BMPR1B: variants seen among roughly 807,000 people sequenced by gnomAD.
BMPR1B encodes bone morphogenetic protein receptor type 1B.
In BMPR1B, 12 loss-of-function variants were observed where a neutral mutation model predicts 59.1. The observed-to-expected ratio is 0.20, with a 90% CI of 0.13 to 0.33. The LOEUF (loss-of-function observed/expected upper bound fraction) is 0.33, where lower values mean the gene tolerates loss of function less well. Ranked by LOEUF, BMPR1B falls within the 10% of genes least tolerant of loss-of-function variation. The pLI is 1.00. For missense variants in BMPR1B, 550 were observed against 610.9 expected (o/e 0.90, Z 1.05); for synonymous variants, 237 against 207.3 (o/e 1.14, Z -1.23).
At chr4:94,930,229 G>A (rs1414987522) in intron 2 of BMPR1B, among the ~76,000 whole-genome samples, 1 of 152,056 alleles carries the variant, frequency 6.6e-6, no homozygotes, top group African/African-American at 2.4e-5. Flanking sequence ...TCAGAATAAA[G>A]TGAAGAAACT....
At chr4:94,963,622 TG>T (rs1437654607) in intron 2 of BMPR1B, among the ~76,000 whole-genome samples, 1 of 152,162 alleles carries the variant, frequency 6.6e-6, no homozygotes, top group African/African-American at 2.4e-5. Context: ...TGTATATTCA[TG>T]GTACTTTTGT....
chr4:95,091,485 A>C (rs1316002850), intron 3 of BMPR1B: 2 of 985,214 alleles, frequency 2.0e-6, no homozygotes, highest in Non-Finnish European at 2.4e-6. Flanking sequence ...TTAACTGCTG[A>C]ATAACATATC....
chr4:94,978,148 T>G (rs929681751), intron 2 of BMPR1B, among the ~76,000 whole-genome samples: 1 of 152,224 alleles, frequency 6.6e-6, no homozygotes, highest in African/African-American at 2.4e-5. Context: ...CCACATGTTT[T>G]GAGTATTTTT....
At chr4:94,930,866 C>G (rs1212428929) in intron 2 of BMPR1B, among the ~76,000 whole-genome samples, 3 of 152,022 alleles carry the variant, frequency 2.0e-5, no homozygotes, top group Admixed American at 1.3e-4. Flanking sequence ...CTTATTGTGA[C>G]ACTAAAAATA....
At chr4:95,149,704 G>T (rs1222156426) in intron 11 of BMPR1B, among the ~76,000 whole-genome samples, 1 of 152,276 alleles carries the variant, frequency 6.6e-6, no homozygotes, top group Non-Finnish European at 1.5e-5. Flanking sequence ...TGCTGCTGCT[G>T]TTCCTCATAA....
chr4:95,083,979 T>C (rs920120000), intron 3 of BMPR1B, among the ~76,000 whole-genome samples: 2 of 152,134 alleles, frequency 1.3e-5, no homozygotes, highest in African/African-American at 4.8e-5. Flanking sequence ...AACTATTCAC[T>C]TTTGGCTGTA....
intron 2 of BMPR1B, among the ~76,000 whole-genome samples, chr4:94,969,638 A>G (rs1035585170): frequency 6.6e-6 from 1 of 152,190 alleles, no homozygotes; most frequent in South Asian, 2.1e-4. Context: ...TATAGCAGAA[A>G]TCTTCCTTCT....
At chr4:95,030,044 A>G (rs1481140743) in intron 3 of BMPR1B, among the ~76,000 whole-genome samples, 1 of 151,236 alleles carries the variant, frequency 6.6e-6, no homozygotes, top group South Asian at 2.1e-4. Context: ...AGGTTGCAAA[A>G]ATTTTCTCCC....
intron 9 of BMPR1B, 73 bp from the exon 10 acceptor site, chr4:95,131,142 G>T: frequency 2.1e-6 from 3 of 1,434,866 alleles, no homozygotes; most frequent in Admixed American, 1.9e-5. Flanking sequence ...GACAAAGAAT[G>T]ATGTTTGAGA....
chr4:94,862,336 AGGCGG>A, intron 1 of BMPR1B, among the ~76,000 whole-genome samples: 2 of 151,764 alleles, frequency 1.3e-5, no homozygotes, highest in South Asian at 4.2e-4. Context: ...TTTTTAGCAG[AGGCGG>A]GGTTTCACCA....
rs545754829 is a variant in BMPR1B, at chr4:95,116,662, C to T, written c.349+875C>T. 4.7e-3 allele frequency among the ~76,000 whole-genome samples: 716 copies of T among 150,926 alleles called. 6 individuals are homozygous for T. The highest frequency in any genetic ancestry group is 0.016 in the African/African-American group (675 of 40,972). On this transcript the variant is annotated intron_variant, in intron 6 of 12. Coordinates refer to ENST00000515059, the MANE Select transcript of BMPR1B (RefSeq NM_001203.3). The stretch of plus-strand genomic sequence containing the variant: ...ACAGGGTCTTGCTCTGTTGCCCAGG[C>T]TGGAGTGCATGGTGTCATCATAGTT...
At chr4:95,115,893 C>A in intron 6 of BMPR1B, 106 bp downstream of exon 6, 1 of 1,038,834 alleles carries the variant, frequency 9.6e-7, no homozygotes, top group Non-Finnish European at 1.5e-6. Flanking sequence ...CTTTCCACTG[C>A]TGGAGCAGAG....
chr4:94,932,329 T>C (rs1227968129), intron 2 of BMPR1B, among the ~76,000 whole-genome samples: 1 of 152,132 alleles, frequency 6.6e-6, no homozygotes, highest in African/African-American at 2.4e-5. Flanking sequence ...TAAAAAGGTA[T>C]CTGTAAGTGA....
chr4:94,823,442 G>A (rs1724274353), intron 1 of BMPR1B, among the ~76,000 whole-genome samples: 1 of 152,176 alleles, frequency 6.6e-6, no homozygotes, highest in Admixed American at 6.5e-5. Flanking sequence ...GGCAAAGCTG[G>A]TGTTCGGATC....
In BMPR1B at chr4:94,877,350, A is replaced by G. The variant is rs547410212; in HGVS notation, c.-113+1450A>G. Among the ~76,000 whole-genome samples, 10 of 152,304 alleles carry G rather than the reference A, an allele frequency of 6.6e-5. No homozygotes were observed. The South Asian group carries it at 1.0e-3, about 16-fold the overall frequency. On this transcript the variant is annotated intron_variant, in intron 2 of 12. Transcript: ENST00000515059. The stretch of plus-strand genomic sequence containing the variant: ...TTGCTCATTTTTGAGTCATGCTTCC[A>G]GTTGTTGATGGGATCAGAAATTAAC...
intron 12 of BMPR1B, among the ~76,000 whole-genome samples, chr4:95,153,367 G>A (rs1053211834): frequency 6.6e-6 from 1 of 151,978 alleles, no homozygotes; most frequent in Non-Finnish European, 1.5e-5. Context: ...TCCTCCTCCT[G>A]TTCCACATTC....
chr4:94,758,347 A>G (rs1349866997), intron 1 of BMPR1B, among the ~76,000 whole-genome samples: 1 of 150,426 alleles, frequency 6.6e-6, no homozygotes, highest in Non-Finnish European at 1.5e-5. Flanking sequence ...CTCTGCCGGG[A>G]CCCCGAGGCC....
intron 3 of BMPR1B, among the ~76,000 whole-genome samples, chr4:95,098,900 T>G (rs1730621549): frequency 6.6e-6 from 1 of 152,094 alleles, no homozygotes. Context: ...GTATTTTTAG[T>G]AGAGACGTGG....
At chr4:94,939,939 G>A (rs975095745) in intron 2 of BMPR1B, among the ~76,000 whole-genome samples, 1 of 152,128 alleles carries the variant, frequency 6.6e-6, no homozygotes, top group Non-Finnish European at 1.5e-5. Flanking sequence ...TGTGATCAGT[G>A]CTTTAACTTG....
Sources: gnomAD v4.1 joint callset for allele counts (sites outside exome capture counted in the v4.1 genomes callset) on GRCh38, gnomAD v4.1.1 for gene constraint, MANE v1.5 for transcripts, NCBI Gene and HGNC (gene_info 2026-07-23, HGNC 2026-07-21) for gene names.